SH3D21: variants seen among roughly 807,000 people sequenced by gnomAD.
SH3D21 encodes the protein SH3 domain-containing protein 21.
In SH3D21, 83 loss-of-function variants were observed where a neutral mutation model predicts 82.1. The observed-to-expected ratio is 1.01, with a 90% CI of 0.85 to 1.21. The LOEUF (loss-of-function observed/expected upper bound fraction) is 1.21. SH3D21 is among the 50% of genes most tolerant of loss of function. The probability of loss-of-function intolerance (pLI) is 0.00; values close to 1 mark genes in which losing one functional copy is unlikely to be tolerated. For synonymous variants in SH3D21, 383 were observed against 387.8 expected, an observed-to-expected ratio of 0.99 and a Z score of 0.15; for missense variants, 980 against 962.1, an observed-to-expected ratio of 1.02 and a Z score of -0.25.
chr1:36,311,971 A>T (rs1328348922), intron 10 of SH3D21, among the ~76,000 whole-genome samples: 1 of 152,026 alleles, frequency 6.6e-6, no homozygotes, highest in Non-Finnish European at 1.5e-5. Context: ...CTGGGATTAG[A>T]GGTGTCAGCC....
chr1:36,308,536 A>G, intron 9 of SH3D21, 61 bp downstream of exon 9: 1 of 1,410,220 alleles, frequency 7.1e-7, no homozygotes, highest in Non-Finnish European at 9.8e-7. Context: ...AAAGGTGGGG[A>G]TCATGGGCAC....
At position 36,307,442 on chromosome 1, in the gene SH3D21, G is replaced by C; in HGVS notation, c.346-75G>C. 1 of 1,524,254 alleles carries C rather than the reference G, an allele frequency of 6.6e-7. No individual in the cohort carries two copies. Among genetic ancestry groups the C allele is most frequent in the Non-Finnish European group, 8.9e-7 (1 of 1,126,332 alleles). 94.4% of individuals were successfully genotyped at this position (1,524,254 alleles called of 1,614,324 possible). On this transcript the variant is annotated intron_variant, in intron 4 of 15. Transcript: ENST00000453908. The surrounding 1 kb of genome is among the most constrained non-coding windows in gnomAD (Gnocchi z 5.4). ...GGAGGGAGGAAGGGGCGCTTGGGCA[G>C]AACCAAGGGTGGCAGATTATCCTAG...
At position 36,306,884 on chromosome 1, in the gene SH3D21, CCGCGCTGTG is replaced by C; in HGVS notation, c.211_219del (p.Cys71_Arg73del). 7.7e-7 allele frequency: 1 copy of C among 1,306,126 alleles called. No homozygotes were observed. Among genetic ancestry groups the C allele is most frequent in the Non-Finnish European group, 1.0e-6 (1 of 1,000,028 alleles). 80.9% of individuals were successfully genotyped at this position (1,306,126 alleles called of 1,614,324 possible). A position where few individuals can be genotyped will look rare whatever the true frequency, so the allele number is the denominator to read the frequency against. On this transcript the variant is annotated inframe_deletion, in exon 3 of 16. Coordinates refer to ENST00000453908, the MANE Select transcript of SH3D21 (RefSeq NM_001162530.2). The surrounding 1 kb of genome is among the most constrained non-coding windows in gnomAD (Gnocchi z 4.5). Reference sequence around the variant, plus strand: ...GCGGGGCTCCGGAGAGGCGCGGAGGCCGCGCTGTGCGCGCCGCCGAGGTGAGCGCAAGGG... The same window carrying C: ...GCGGGGCTCCGGAGAGGCGCGGAGGCCGCGCCGCCGAGGTGAGCGCAAGGG...
chr1:36,319,150 G>A lies in SH3D21; in HGVS notation c.849G>A (p.Gly283=). Residue 283 remains glycine, a synonymous_variant, in exon 11 of 16, where the codon GGG becomes GGA. Transcript: ENST00000453908. ...AGAAGCTAGCAACAGCCACCACTGG[G>A]CCCAGCAAAGCCAAGTAAGGAGCAG... ...TVKKLATATT[G]PSKAKTSRTP... 6.4e-7 allele frequency: 1 copy of A among 1,551,530 alleles called. No homozygotes were observed. Among genetic ancestry groups the A allele is most frequent in the Non-Finnish European group, 8.7e-7 (1 of 1,146,834 alleles).
intron 10 of SH3D21, among the ~76,000 whole-genome samples, chr1:36,316,186 C>G (rs957650230): frequency 1.3e-5 from 2 of 152,050 alleles, no homozygotes; most frequent in African/African-American, 4.8e-5. Flanking sequence ...TCTTGCAGGC[C>G]TTAGTAGAAG....
intron 10 of SH3D21, among the ~76,000 whole-genome samples, chr1:36,313,972 C>CTTTTTGTTTTTTTT (rs1646291315): frequency 2.7e-5 from 1 of 36,784 alleles, no homozygotes; most frequent in Non-Finnish European, 5.4e-5. Context: ...AACATATTTT[C>CTTTTTGTTTTTTTT]TTTTTTTTTT....
intron 10 of SH3D21, among the ~76,000 whole-genome samples, chr1:36,312,171 C>T (rs1024368255): frequency 1.3e-5 from 2 of 151,886 alleles, no homozygotes; most frequent in Non-Finnish European, 2.9e-5. Context: ...ACTACAGACG[C>T]CCGCTACCAC....
In SH3D21 at chr1:36,320,718, T is replaced by G. The variant is rs748295880; in HGVS notation, c.2055T>G (p.Asn685Lys). 1.2e-6 allele frequency: 2 copies of G among 1,613,604 alleles called. No homozygotes were observed. The highest frequency in any genetic ancestry group is 1.7e-6 in the Non-Finnish European group (2 of 1,179,800). Residue 685 changes from asparagine to lysine, a missense_variant, in exon 14 of 16, where the codon AAT (asparagine) becomes AAG (lysine). By Grantham distance (94) the Asn-to-Lys change is moderately conservative (BLOSUM62 0). Transcript: ENST00000453908. The stretch of plus-strand genomic sequence containing the variant: ...CGCAAAACTACACGGAAAACAAGAA[T>G]GAAGGAGTTGATGTAACGTCGCTGA... The part of the protein sequence containing the change: ...LVPQNYTENK[N>K]EGVDVTSLRG...
chr1:36,306,938 G>A lies in SH3D21; in HGVS notation c.226+33G>A. On this transcript the variant is annotated intron_variant, in intron 3 of 15. Coordinates refer to ENST00000453908, the MANE Select transcript of SH3D21 (RefSeq NM_001162530.2). This position sits in a 1 kb window ranked among gnomAD's most constrained non-coding sequence, Gnocchi z 4.5. ...CAAGGGCGGGGACGGGCGCCGGTGG[G>A]CGGGTGCACGGAGCCAGTGCGACCC... 7.5e-7 allele frequency: 1 copy of A among 1,335,466 alleles called. No homozygotes were observed. The highest frequency in any genetic ancestry group is 1.3e-5 in the South Asian group (1 of 74,166). The allele number at this position is 1,335,466 out of a possible 1,614,324, so 82.7% of individuals were successfully genotyped here.
chr1:36,329,873 C>A (rs1331152174), downstream of SH3D21, among the ~76,000 whole-genome samples: 1 of 152,020 alleles, frequency 6.6e-6, no homozygotes, highest in Non-Finnish European at 1.5e-5. Context: ...TTAGGGTCAC[C>A]CCGACCAGTT....
At chr1:36,310,578 G>A (rs1423387839) in intron 10 of SH3D21, among the ~76,000 whole-genome samples, 2 of 150,784 alleles carry the variant, frequency 1.3e-5, no homozygotes, top group Non-Finnish European at 1.5e-5. Flanking sequence ...TCATGCCACT[G>A]TATGCCAGCG....
downstream of SH3D21, among the ~76,000 whole-genome samples, chr1:36,325,302 G>C (rs1401813184): frequency 6.6e-6 from 1 of 152,146 alleles, no homozygotes; most frequent in Non-Finnish European, 1.5e-5. Context: ...AAAGTGCTGG[G>C]ATTACAAGTG....
chr1:36,311,918 C>A (rs1215119964), intron 10 of SH3D21, among the ~76,000 whole-genome samples: 7 of 151,870 alleles, frequency 4.6e-5, no homozygotes. Flanking sequence ...TGGTCTCGAA[C>A]TCCTGGGCTC....
chr1:36,309,299 C>T (rs1009691021), intron 9 of SH3D21, among the ~76,000 whole-genome samples: 10 of 151,892 alleles, frequency 6.6e-5, no homozygotes, highest in Admixed American at 3.3e-4. Context: ...CAGGTTCAAG[C>T]GACTCTCCTG....
At chr1:36,309,495 G>C in intron 9 of SH3D21, 53 bp from the exon 10 acceptor site, 1 of 1,547,064 alleles carries the variant, frequency 6.5e-7, no homozygotes, top group Non-Finnish European at 8.7e-7. Flanking sequence ...CTGCATTTTG[G>C]ATTTCTGATT....
At position 36,320,711 on chromosome 1, in the gene SH3D21, A is replaced by T; in HGVS notation, c.2048A>T (p.Asn683Ile). 1 of 1,613,954 alleles carries T rather than the reference A, an allele frequency of 6.2e-7. No individual in the cohort carries two copies. Among genetic ancestry groups the T allele is most frequent in the Non-Finnish European group, 8.5e-7 (1 of 1,179,928 alleles). ...PSLVPQNYTE[N>I]KNEGVDVTSL... ...CTGGTCCCGCAAAACTACACGGAAA[A>T]CAAGAATGAAGGAGTTGATGTAACG... is the stretch of plus-strand genomic sequence containing the variant. The change falls in exon 14 of 16, where the codon AAC becomes ATC. Residue 683 changes from asparagine to isoleucine, a missense_variant. Asn to Ile is a moderately radical substitution (Grantham distance 149). Coordinates refer to ENST00000453908, the MANE Select transcript of SH3D21 (RefSeq NM_001162530.2).
At chr1:36,325,992 G>C (rs1005554377), downstream of SH3D21, among the ~76,000 whole-genome samples, 3 of 152,202 alleles carry the variant, frequency 2.0e-5, no homozygotes, top group African/African-American at 7.2e-5. Flanking sequence ...AGGGTAATGC[G>C]ATGGACAACA....
intron 9 of SH3D21, among the ~76,000 whole-genome samples, chr1:36,308,706 G>A (rs574293474): frequency 6.6e-6 from 1 of 152,264 alleles, no homozygotes; most frequent in Admixed American, 6.5e-5. Context: ...GATAGCTGCC[G>A]GGTACGGTGG....
chr1:36,319,926 T>C lies in SH3D21; in HGVS notation c.1263T>C (p.Thr421=). ...TCCCCACCCCAGAGAAGATGGTGACTCCGGAGGACAAGGCTTCTATCCCAG... is the reference window on the plus strand; with the variant it reads ...TCCCCACCCCAGAGAAGATGGTGACCCCGGAGGACAAGGCTTCTATCCCAG... ...DKVPTPEKMV[T]PEDKASIPEN... Residue 421 remains threonine, a synonymous_variant, in exon 14 of 16, where the codon ACT becomes ACC. Transcript: ENST00000453908. The C allele has an allele frequency of 6.2e-7, 1 of 1,613,892 alleles. No homozygotes were observed. The highest frequency in any genetic ancestry group is 8.5e-7 in the Non-Finnish European group (1 of 1,179,976).
Sources: gnomAD v4.1 joint callset for allele counts (sites outside exome capture counted in the v4.1 genomes callset) on GRCh38, gnomAD v4.1.1 for gene constraint, Gnocchi (gnomAD v3.1) non-coding constraint, MANE v1.5 for transcripts, NCBI Gene and HGNC (gene_info 2026-07-23, HGNC 2026-07-21) for gene names.